ACACA: variants seen among roughly 807,000 people sequenced by gnomAD.
ACACA encodes the protein acetyl-CoA carboxylase 1.
In ACACA, 103 loss-of-function variants were observed where a neutral mutation model predicts 296.1. That is an observed-to-expected ratio of 0.35 (90% CI 0.30 to 0.41). The LOEUF (loss-of-function observed/expected upper bound fraction) is 0.41. Ranked by LOEUF, ACACA falls within the 10% of genes least tolerant of loss-of-function variation. The probability of loss-of-function intolerance (pLI) is 1.00; values close to 1 mark genes in which losing one functional copy is unlikely to be tolerated. For missense variants in ACACA, 1,554 were observed against 2,989.7 expected, an observed-to-expected ratio of 0.52 and a Z score of 11.20; for synonymous variants, 953 against 1,038.6, an observed-to-expected ratio of 0.92 and a Z score of 1.58.
chr17:37,244,746 A>G lies in ACACA; in HGVS notation c.2596-12T>C. 1 of 1,614,162 alleles carries G rather than the reference A, an allele frequency of 6.2e-7. No homozygotes were observed. The highest frequency in any genetic ancestry group is 8.5e-7 in the Non-Finnish European group (1 of 1,180,010). On this transcript the variant is annotated splice_polypyrimidine_tract_variant and intron_variant, in intron 20 of 55. Coordinates refer to ENST00000616317, the MANE Select transcript of ACACA (RefSeq NM_198834.3). The stretch of plus-strand genomic sequence containing the variant: ...GTGTGAAGTTCAGCCTGTCAACCCC[A>G]ACAAGAGATCAAGTCATCTACTACT...
chr17:37,377,925 C>T lies in ACACA; in HGVS notation c.38+28337G>A, dbSNP rs563867244. ...GACTGGAACAGCTGCCTGGGATCTT[C>T]CCAAAAGACGTGAGAAGCATCAGAG... On this transcript the variant is annotated intron_variant, in intron 1 of 55. Coordinates refer to ENST00000616317, the MANE Select transcript of ACACA (RefSeq NM_198834.3). 34 of 1,612,870 alleles carry T rather than the reference C, an allele frequency of 2.1e-5. No individual in the cohort carries two copies. The South Asian group carries it at 3.6e-4, about 17-fold the overall frequency.
At chr17:37,317,106 C>T (rs2047132472) in intron 3 of ACACA, among the ~76,000 whole-genome samples, 2 of 149,708 alleles carry the variant, frequency 1.3e-5, no homozygotes, top group Admixed American at 6.7e-5. Flanking sequence ...TTTGCAATGA[C>T]ATGAGAAAGT....
chr17:37,197,445 T>C (rs557372850), intron 35 of ACACA, among the ~76,000 whole-genome samples: 11 of 152,292 alleles, frequency 7.2e-5, no homozygotes, highest in East Asian at 1.9e-4. Context: ...TTCCACAGCA[T>C]TGGACAGGGG....
chr17:37,086,052 C>T lies in ACACA; in HGVS notation c.*1264G>A. The T allele has an allele frequency of 2.7e-6, 1 of 372,820 alleles. No individual in the cohort carries two copies. The allele number at this position is 372,820 out of a possible 1,614,324, so 23.1% of individuals were successfully genotyped here. The stretch of plus-strand genomic sequence containing the variant: ...ACCTGAGGAAGCCCCTGATGCCAGT[C>T]AGGAGGGGCCAGTAAGCCTGGAGGA... On this transcript the variant is annotated 3_prime_UTR_variant, in exon 56 of 56. Transcript: ENST00000616317.
chr17:37,233,799 A>G (rs1429515649), intron 25 of ACACA, among the ~76,000 whole-genome samples: 4 of 152,256 alleles, frequency 2.6e-5, no homozygotes, highest in Admixed American at 2.6e-4. Flanking sequence ...ACTTGGGGGA[A>G]GTTGAAGTAT....
At chr17:37,359,457 C>T (rs1016886503) in intron 1 of ACACA, among the ~76,000 whole-genome samples, 25 of 151,850 alleles carry the variant, frequency 1.6e-4, no homozygotes, top group African/African-American at 5.6e-4. Flanking sequence ...AGTCGTGGCG[C>T]CCCTGGCCCG....
intron 1 of ACACA, among the ~76,000 whole-genome samples, chr17:37,380,241 C>G (rs985606182): frequency 7.8e-6 from 1 of 128,754 alleles, no homozygotes; most frequent in Non-Finnish European, 1.5e-5. Flanking sequence ...CACATGGACA[C>G]AGGAAGGGGA....
intron 1 of ACACA, among the ~76,000 whole-genome samples, chr17:37,349,425 C>T (rs1324076269): frequency 1.4e-5 from 2 of 146,838 alleles, no homozygotes; most frequent in African/African-American, 5.0e-5. Flanking sequence ...ATTATATATA[C>T]ATATATCTTA....
chr17:37,338,989 GT>G (rs1471187761), intron 2 of ACACA, among the ~76,000 whole-genome samples: 17 of 80,338 alleles, frequency 2.1e-4, no homozygotes, highest in African/African-American at 1.5e-3. Flanking sequence ...GGGAAAAGGG[GT>G]AAAAGGGAGG....
At chr17:37,270,964 C>T (rs2082040987) in intron 9 of ACACA, 103 bp from the exon 10 acceptor site, 1 of 798,978 alleles carries the variant, frequency 1.3e-6, no homozygotes, top group Non-Finnish European at 2.2e-6. Flanking sequence ...TTTAGTAATT[C>T]TAAATACAAT....
intron 38 of ACACA, among the ~76,000 whole-genome samples, chr17:37,190,372 A>G (rs949790479): frequency 2.0e-5 from 3 of 151,802 alleles, no homozygotes; most frequent in Admixed American, 6.6e-5. Flanking sequence ...GGAGGTTGCA[A>G]TGAGCTGAGA....
chr17:37,187,445 C>T (rs1022412037), intron 39 of ACACA, among the ~76,000 whole-genome samples: 6 of 152,196 alleles, frequency 3.9e-5, no homozygotes, highest in Non-Finnish European at 7.4e-5. Flanking sequence ...AGAAGAAATG[C>T]AATTCTTGAA....
intron 14 of ACACA, among the ~76,000 whole-genome samples, chr17:37,254,867 GAA>G (rs759041536): frequency 1.8e-5 from 2 of 112,092 alleles, no homozygotes; most frequent in African/African-American, 3.3e-5. Context: ...CTCCATGTCA[GAA>G]AAAAAAAAAA....
intron 1 of ACACA, among the ~76,000 whole-genome samples, chr17:37,401,176 T>C (rs1333196116): frequency 1.3e-5 from 2 of 151,850 alleles, no homozygotes; most frequent in Admixed American, 1.3e-4. Flanking sequence ...GCTATTTGCA[T>C]GTCTTTTTCT....
intron 3 of ACACA, among the ~76,000 whole-genome samples, chr17:37,306,957 CAAAGTGCT>C (rs2083914190): frequency 6.6e-6 from 1 of 152,148 alleles, no homozygotes; most frequent in Non-Finnish European, 1.5e-5. Context: ...CTCAGCCTCT[CAAAGTGCT>C]GGGATTACAG....
At chr17:37,291,125 T>C (rs955792488) in intron 3 of ACACA, among the ~76,000 whole-genome samples, 33 of 118,708 alleles carry the variant, frequency 2.8e-4, no homozygotes, top group African/African-American at 1.1e-3. Context: ...ACACTAATGA[T>C]AGCTGATGAA....
intron 24 of ACACA, among the ~76,000 whole-genome samples, chr17:37,235,411 G>A (rs150950806): frequency 6.6e-6 from 1 of 152,200 alleles, no homozygotes; most frequent in East Asian, 1.9e-4. Context: ...AATTGGGGAG[G>A]TGGGTGTACC....
At chr17:37,261,963 T>C (rs2081532135) in intron 11 of ACACA, among the ~76,000 whole-genome samples, 2 of 152,050 alleles carry the variant, frequency 1.3e-5, no homozygotes, top group South Asian at 4.1e-4. Flanking sequence ...CCACAATACA[T>C]ATCTAATGGA....
Position 37,406,626 on chromosome 17 carries a change from C to T in ACACA, c.-327G>A. 1.9e-6 allele frequency: 1 copy of T among 517,136 alleles called. No individual in the cohort carries two copies. Among genetic ancestry groups the T allele is most frequent in the South Asian group, 2.1e-5 (1 of 47,412 alleles). 32.0% of individuals were successfully genotyped at this position (517,136 alleles called of 1,614,324 possible). The stretch of plus-strand genomic sequence containing the variant: ...GAGGGGACCAAACAGCCCCACGCGC[C>T]AGGAAGCCTCAGGCAACGGGCCACG... On this transcript the variant is annotated 5_prime_UTR_variant, in exon 1 of 56. Coordinates refer to ENST00000616317, the MANE Select transcript of ACACA (RefSeq NM_198834.3).
Sources: allele counts gnomAD v4.1 joint callset (sites outside exome capture counted in the v4.1 genomes callset), GRCh38; gene constraint gnomAD v4.1.1; transcripts MANE v1.5; gene names NCBI Gene and HGNC (gene_info 2026-07-23, HGNC 2026-07-21).